Variants in CCDC57 observed in about 807,000 individuals in gnomAD.
The protein encoded by CCDC57 is coiled-coil domain containing 57, also known as coiled-coil domain-containing protein 57.
Under a neutral mutation model 118.9 loss-of-function variants are expected in CCDC57, and 118 were observed. The ratio of observed to expected loss-of-function variants is 0.99; its 90% CI spans 0.86 to 1.16. The LOEUF (loss-of-function observed/expected upper bound fraction) is 1.16, where lower values mean the gene tolerates loss of function less well. CCDC57 is among the 50% of genes most tolerant of loss of function. The pLI is 0.00. For synonymous variants in CCDC57, 527 were observed against 532.9 expected (o/e 0.99, Z 0.15); for missense variants, 1,300 against 1,320.7 (o/e 0.98, Z 0.24).
At chr17:82,136,177 C>T (rs978127876) in intron 16 of CCDC57, among the ~76,000 whole-genome samples, 3 of 152,094 alleles carry the variant, frequency 2.0e-5, no homozygotes, top group East Asian at 1.9e-4. Flanking sequence ...AGCCCAAAGG[C>T]GGAAACCATC....
chr17:82,115,792 C>CG (rs2035813580), intron 19 of CCDC57, among the ~76,000 whole-genome samples: 1 of 65,664 alleles, frequency 1.5e-5, no homozygotes, highest in East Asian at 3.2e-4. Flanking sequence ...TTTATGCAAC[C>CG]TTTTTTTTTT....
intron 19 of CCDC57, among the ~76,000 whole-genome samples, chr17:82,120,350 G>A (rs1056859422): frequency 1.3e-5 from 2 of 151,958 alleles, no homozygotes; most frequent in African/African-American, 4.8e-5. Context: ...TACCCACAAT[G>A]CATGGAACAC....
chr17:82,204,509 C>T (rs986040263), intron 2 of CCDC57, among the ~76,000 whole-genome samples: 6 of 152,210 alleles, frequency 3.9e-5, no homozygotes, highest in Admixed American at 3.3e-4. Flanking sequence ...CAGGGCCGGG[C>T]GCAGTGGCTC....
At position 82,212,382 on chromosome 17, in the gene CCDC57, C is replaced by CT. The variant is rs1271277008; in HGVS notation, c.-211+402dup. ...ACAGGCGCGAACCACCGCCTCCGGC[C>CT]TTTTTTTTTCCTCTCTTTTTTTTTT... On this transcript the variant is annotated intron_variant, in intron 1 of 19. Coordinates refer to ENST00000665763, the Ensembl canonical transcript of CCDC57. This position sits in a 1 kb window ranked among gnomAD's most constrained non-coding sequence, Gnocchi z 4.1. Among the ~76,000 whole-genome samples the CT allele has an allele frequency of 1.6e-4, 18 of 112,572 alleles. No individual in the cohort carries two copies. Among genetic ancestry groups the CT allele is most frequent in the South Asian group, 3.0e-4 (1 of 3,386 alleles). The allele number at this position is 112,572 out of a possible 152,430, so 73.9% of individuals were successfully genotyped here.
At chr17:82,161,249 G>A (rs1454527955) in intron 14 of CCDC57, among the ~76,000 whole-genome samples, 1 of 152,168 alleles carries the variant, frequency 6.6e-6, no homozygotes, top group Non-Finnish European at 1.5e-5. Flanking sequence ...ACACAGTGCT[G>A]GTGGAGGTAA....
chr17:82,201,815 C>T (rs373916021), exon 3 of CCDC57: 27 of 1,613,478 alleles, frequency 1.7e-5, no homozygotes, highest in East Asian at 2.2e-5. Flanking sequence ...TGCGCCTCCT[C>T]CAGCTGGCTC....
chr17:82,195,474 A>G (rs2048188454), intron 4 of CCDC57, 110 bp from the exon 4 acceptor site: 1 of 808,868 alleles, frequency 1.2e-6, no homozygotes. Flanking sequence ...TGTTTAACAG[A>G]GAAGGACCAC....
intron 19 of CCDC57, among the ~76,000 whole-genome samples, chr17:82,121,359 G>C (rs1308421288): frequency 6.6e-6 from 1 of 152,186 alleles, no homozygotes; most frequent in Non-Finnish European, 1.5e-5. Context: ...CTGCCAAGAG[G>C]CCCCAGTGCT....
At chr17:82,182,211 T>C (rs1247251953) in intron 9 of CCDC57, among the ~76,000 whole-genome samples, 1 of 151,524 alleles carries the variant, frequency 6.6e-6, no homozygotes, top group African/African-American at 2.4e-5. Context: ...CATACACAAG[T>C]AATAGGTAAA....
At chr17:82,146,822 GTC>G (rs1490812159) in intron 16 of CCDC57, among the ~76,000 whole-genome samples, 3 of 152,118 alleles carry the variant, frequency 2.0e-5, no homozygotes, top group African/African-American at 7.2e-5. Context: ...TGTGCACACA[GTC>G]TCACATACAA....
chr17:82,117,571 G>A (rs532369479), intron 19 of CCDC57, among the ~76,000 whole-genome samples: 14 of 152,258 alleles, frequency 9.2e-5, no homozygotes, highest in Non-Finnish European at 1.6e-4. Context: ...CCGGGAGGTT[G>A]AGAAGCCTGG....
At chr17:82,202,746 C>T (rs1167290199) in intron 2 of CCDC57, among the ~76,000 whole-genome samples, 2 of 151,928 alleles carry the variant, frequency 1.3e-5, no homozygotes, top group East Asian at 1.9e-4. Context: ...AGACTCTTTT[C>T]TCCAAAAAAT....
In CCDC57 at chr17:82,107,859, G is replaced by A. The variant is rs114450232; in HGVS notation, c.2900-5993C>T. ...CCTACAGTGCCATCGGGTGCTCTCA[G>A]GACAGATGCCTACAGAACAGGCTTT... On this transcript the variant is annotated intron_variant, in intron 19 of 19. Coordinates refer to ENST00000665763, the Ensembl canonical transcript of CCDC57. 4.4e-3 allele frequency among the ~76,000 whole-genome samples: 668 copies of A among 152,292 alleles called. 7 individuals are homozygous for A. The highest frequency in any genetic ancestry group is 0.015 in the African/African-American group (642 of 41,552).
At chr17:82,205,924 T>C (rs943284322) in intron 2 of CCDC57, among the ~76,000 whole-genome samples, 8 of 152,234 alleles carry the variant, frequency 5.3e-5, no homozygotes, top group African/African-American at 1.7e-4. Context: ...GCCTGCTCTG[T>C]TTCTGTACAA....
chr17:82,176,369 C>T (rs1599167907), intron 11 of CCDC57, among the ~76,000 whole-genome samples: 1 of 152,284 alleles, frequency 6.6e-6, no homozygotes, highest in East Asian at 1.9e-4. Flanking sequence ...CCTTGCTCTC[C>T]CAAGATCATA....
At chr17:82,162,392 A>C (rs1442008671) in intron 14 of CCDC57, among the ~76,000 whole-genome samples, 1 of 152,252 alleles carries the variant, frequency 6.6e-6, no homozygotes, top group African/African-American at 2.4e-5. Flanking sequence ...CATGGGAAAC[A>C]GGGTGGGCTC....
At chr17:82,171,714 C>G in exon 13 of CCDC57, 1 of 1,612,162 alleles carries the variant, frequency 6.2e-7, no homozygotes, top group Non-Finnish European at 8.5e-7. Flanking sequence ...TCGTCTCTGT[C>G]GAGGTGCGGA....
intron 13 of CCDC57, among the ~76,000 whole-genome samples, chr17:82,164,213 T>C (rs1185681758): frequency 6.7e-6 from 1 of 148,168 alleles, no homozygotes; most frequent in African/African-American, 2.5e-5. Flanking sequence ...CTGTCTCTGC[T>C]AAAAAAAAAA....
intron 19 of CCDC57, chr17:82,113,324 G>A (rs1278101957): frequency 2.9e-6 from 2 of 695,262 alleles, no homozygotes; most frequent in East Asian, 2.7e-5. Flanking sequence ...ACAAGGTGCT[G>A]TGGGGCTGTG....
Sources: allele counts gnomAD v4.1 joint callset (sites outside exome capture counted in the v4.1 genomes callset), GRCh38; gene constraint gnomAD v4.1.1; non-coding constraint Gnocchi (gnomAD v3.1); transcripts MANE v1.5; gene names NCBI Gene and HGNC (gene_info 2026-07-23, HGNC 2026-07-21).